Variants in TF observed in about 807,000 individuals in gnomAD.
TF encodes transferrin.
Under a neutral mutation model 82.4 loss-of-function variants are expected in TF, and 55 were observed. The observed-to-expected ratio is 0.67, with a 90% CI of 0.54 to 0.84. The LOEUF is 0.84. Among genes scored for constraint, TF ranks in the 40% least tolerant of loss-of-function variants. TF has a pLI of 0.00. For synonymous variants in TF, 332 were observed against 332.6 expected (o/e 1.00, Z 0.02); for missense variants, 737 against 868.4 (o/e 0.85, Z 1.90).
At chr3:133,752,746 GTGGCCC>G (rs1373261220) in intron 2 of TF, among the ~76,000 whole-genome samples, 1 of 152,194 alleles carries the variant, frequency 6.6e-6, no homozygotes, top group African/African-American at 2.4e-5. Flanking sequence ...TACTGGCTAT[GTGGCCC>G]AGGGAAGTGA....
rs2084127501 is a variant in TF at position 133,784,448 on chromosome 3, T to G, written c.*5828T>G. On this transcript the variant is annotated 3_prime_UTR_variant, in exon 17 of 17. Transcript: ENST00000402696. ...TGATAGAGTTAGAAAATCACACATC[T>G]TGTAAATTCCCATTTGTTAAAAAAA... 1 of 140,556 alleles carries G rather than the reference T, an allele frequency of 7.1e-6. No individual in the cohort carries two copies. Among genetic ancestry groups the G allele is most frequent in the South Asian group, 2.3e-4 (1 of 4,388 alleles). 8.7% of individuals were successfully genotyped at this position (140,556 alleles called of 1,614,324 possible).
At chr3:133,689,761 G>A in the TF span, among the ~76,000 whole-genome samples, 7 of 152,106 alleles carry the variant, frequency 4.6e-5, no homozygotes, top group East Asian at 5.8e-4. Flanking sequence ...AATTATCTAC[G>A]TGATATGATA....
the TF span, among the ~76,000 whole-genome samples, chr3:133,678,561 C>T: frequency 2.0e-5 from 3 of 152,216 alleles, no homozygotes; most frequent in East Asian, 1.9e-4. Context: ...TTCTAACTGG[C>T]GTGAGGTGGT....
At position 133,766,382 on chromosome 3, in the gene TF, T is replaced by G; in HGVS notation, c.1435T>G (p.Trp479Gly). ...TACGGCAGTTGGCAGAACCGCTGGC[T>G]GGAACATCCCCATGGGCCTGCTCTA... The part of the protein sequence containing the change: ...CHTAVGRTAG[W>G]NIPMGLLYNK... The change falls in exon 12 of 17, where the codon TGG becomes GGG. Residue 479 changes from tryptophan to glycine, a missense_variant. By Grantham distance (184) the Trp-to-Gly change is radical. Transcript: ENST00000402696. The G allele has an allele frequency of 6.2e-7, 1 of 1,614,220 alleles. No homozygotes were observed. Among genetic ancestry groups the G allele is most frequent in the Non-Finnish European group, 8.5e-7 (1 of 1,180,032 alleles).
chr3:133,718,844 A>C, the TF span, among the ~76,000 whole-genome samples: 3 of 152,330 alleles, frequency 2.0e-5, no homozygotes, highest in South Asian at 2.1e-4. Context: ...GCCCTGAAAT[A>C]GAGACACATG....
upstream of TF, among the ~76,000 whole-genome samples, chr3:133,744,307 C>T (rs186844681): frequency 4.6e-5 from 7 of 152,328 alleles, no homozygotes; most frequent in African/African-American, 1.4e-4. Context: ...TCTTTCCATG[C>T]CCTGCGTTGA....
rs564526428 is a variant in TF, at chr3:133,756,407, T to C, written c.691+70T>C. 5.0e-5 allele frequency: 75 copies of C among 1,489,508 alleles called. No homozygotes were observed. The East Asian group carries it at 1.5e-3, about 29-fold the overall frequency. 92.3% of individuals were successfully genotyped at this position (1,489,508 alleles called of 1,614,324 possible). On this transcript the variant is annotated intron_variant, in intron 6 of 16. Coordinates refer to ENST00000402696, the MANE Select transcript of TF (RefSeq NM_001063.4). Reference sequence around the variant, plus strand: ...GTGTTCTTTTTCTGTGTTCCCTTTTTCATGCTCAGTAATTGGAAATGAGCA... The same window carrying C: ...GTGTTCTTTTTCTGTGTTCCCTTTTCCATGCTCAGTAATTGGAAATGAGCA...
chr3:133,719,983 G>A, the TF span, among the ~76,000 whole-genome samples: 1 of 151,982 alleles, frequency 6.6e-6, no homozygotes, highest in African/African-American at 2.4e-5. Flanking sequence ...TAGTTTATTA[G>A]CTCTAACTTT....
chr3:133,687,618 A>T, the TF span, among the ~76,000 whole-genome samples: 6 of 152,214 alleles, frequency 3.9e-5, no homozygotes, highest in Non-Finnish European at 5.9e-5. Context: ...ACCACCAATT[A>T]ATATCCTTCC....
intron 16 of TF, 54 bp from the exon 17 acceptor site, chr3:133,778,531 CA>C: frequency 6.3e-7 from 1 of 1,591,678 alleles, no homozygotes; most frequent in African/African-American, 1.3e-5. Flanking sequence ...CTCGACAGTT[CA>C]GAAATAAATA....
chr3:133,732,917 T>C, the TF span, among the ~76,000 whole-genome samples: 1 of 152,180 alleles, frequency 6.6e-6, no homozygotes, highest in Non-Finnish European at 1.5e-5. Context: ...TCTTGGTGTA[T>C]AGAAGTGAAC....
the TF span, among the ~76,000 whole-genome samples, chr3:133,703,015 A>G: frequency 6.6e-6 from 1 of 152,210 alleles, no homozygotes; most frequent in Non-Finnish European, 1.5e-5. Flanking sequence ...TTTCTTAAAT[A>G]ATGAAACACT....
In TF at chr3:133,766,383, G is replaced by A. The variant is rs781390866; in HGVS notation, c.1436G>A (p.Trp479Ter). The change falls in exon 12 of 17, where the codon TGG becomes TAG. Residue 479 changes from tryptophan to a stop codon, truncating the protein, a stop_gained. Transcript: ENST00000402696. LOFTEE classifies it high-confidence loss of function. ...CHTAVGRTAG[W>*]NIPMGLLYNK... ...ACGGCAGTTGGCAGAACCGCTGGCT[G>A]GAACATCCCCATGGGCCTGCTCTAC... 3.1e-6 allele frequency: 5 copies of A among 1,614,102 alleles called. No individual in the cohort carries two copies. In the Admixed American group the frequency reaches 5.0e-5, roughly 16 times the overall value.
the TF span, among the ~76,000 whole-genome samples, chr3:133,713,474 C>T: frequency 9.9e-5 from 15 of 152,114 alleles, no homozygotes; most frequent in Non-Finnish European, 2.1e-4. Flanking sequence ...AAAGGGGCCG[C>T]GGTGAGAAAG....
At chr3:133,753,996 T>C in intron 3 of TF, 1 of 529,832 alleles carries the variant, frequency 1.9e-6, no homozygotes. Flanking sequence ...TGCGGTCTAC[T>C]GATATGTCTA....
chr3:133,704,324 G>T, the TF span: 1 of 224,746 alleles, frequency 4.4e-6, no homozygotes, highest in South Asian at 7.8e-5. Context: ...AGTAAGTGGA[G>T]GGGAGTGTCC....
At chr3:133,676,944 G>A in the TF span, among the ~76,000 whole-genome samples, 1 of 152,360 alleles carries the variant, frequency 6.6e-6, no homozygotes, top group East Asian at 1.9e-4. Context: ...CCAGGCCAGA[G>A]TCTGGGATAC....
chr3:133,773,683 A>C (rs1279220931), intron 14 of TF: 3 of 152,130 alleles, frequency 2.0e-5, no homozygotes, highest in African/African-American at 7.2e-5. Context: ...GAAAAAGCAT[A>C]TTTTTAACAT....
At position 133,791,993 on chromosome 3, in the gene TF, T is replaced by C. The variant is rs1934851256; in HGVS notation, c.*13373T>C. 6.6e-6 allele frequency: 1 copy of C among 152,234 alleles called. No individual in the cohort carries two copies. The highest frequency in any genetic ancestry group is 1.5e-5 in the Non-Finnish European group (1 of 68,028). 9.4% of individuals were successfully genotyped at this position (152,234 alleles called of 1,614,324 possible). On this transcript the variant is annotated 3_prime_UTR_variant, in exon 17 of 17. Coordinates refer to ENST00000402696, the MANE Select transcript of TF (RefSeq NM_001063.4). ...GGGAAATAAAGACAGTTTTAAAGAT[T>C]ATTGGTAAAATAAAAATATCTTCAA...
Sources: gnomAD v4.1 joint callset for allele counts (sites outside exome capture counted in the v4.1 genomes callset) on GRCh38, gnomAD v4.1.1 for gene constraint, MANE v1.5 for transcripts, NCBI Gene and HGNC (gene_info 2026-07-23, HGNC 2026-07-21) for gene names.